The following EIF2B3 variants were observed in gnomAD, a reference collection of about 807,000 sequenced individuals.
The protein encoded by EIF2B3 is translation initiation factor eIF2B subunit gamma.
A neutral mutation model predicts 54.1 loss-of-function variants in EIF2B3; 20 were observed. That is an observed-to-expected ratio of 0.37 (90% confidence interval 0.26 to 0.54). The LOEUF is 0.54. Among genes scored for constraint, EIF2B3 ranks in the 20% least tolerant of loss-of-function variants. The pLI, the probability that EIF2B3 is intolerant of heterozygous loss-of-function variation, is 0.86. For synonymous variants in EIF2B3, 153 were observed against 188.1 expected (o/e 0.81, Z 1.52); for missense variants, 448 against 547.8 (o/e 0.82, Z 1.82).
intron 3 of EIF2B3, among the ~76,000 whole-genome samples, chr1:44,942,401 ATATATATATATATATATTTTTTTT>A (rs1311050225): frequency 6.0e-5 from 1 of 16,674 alleles, no homozygotes; most frequent in African/African-American, 4.1e-4. Context: ...ATATATATAT[ATATATATATATATATATTTTTTTT>A]TTTTTTTTTT....
At chr1:44,865,675 G>A (rs1207357779) in intron 10 of EIF2B3, among the ~76,000 whole-genome samples, 3 of 151,768 alleles carry the variant, frequency 2.0e-5, no homozygotes, top group East Asian at 3.9e-4. Flanking sequence ...TCCACCTTCC[G>A]GGGTTCAAGT....
intron 3 of EIF2B3, among the ~76,000 whole-genome samples, chr1:44,957,287 CAA>C (rs953338548): frequency 2.4e-4 from 36 of 152,078 alleles, no homozygotes; most frequent in African/African-American, 8.0e-4. Context: ...CCAAACACCA[CAA>C]AGTCAAAAGA....
At chr1:44,860,925 TA>T (rs1654594612) in intron 10 of EIF2B3, among the ~76,000 whole-genome samples, 1 of 152,138 alleles carries the variant, frequency 6.6e-6, no homozygotes, top group African/African-American at 2.4e-5. Flanking sequence ...CACAGACCAT[TA>T]AAAAAGATTC....
At chr1:44,984,516 T>TC (rs1230997542) in intron 1 of EIF2B3, among the ~76,000 whole-genome samples, 1 of 151,666 alleles carries the variant, frequency 6.6e-6, no homozygotes, top group Non-Finnish European at 1.5e-5. Flanking sequence ...ATTCTGACAC[T>TC]CATAGGTGTG....
chr1:44,877,129 C>T (rs1655192490), intron 8 of EIF2B3, among the ~76,000 whole-genome samples: 1 of 144,946 alleles, frequency 6.9e-6, no homozygotes, highest in Non-Finnish European at 1.5e-5. Flanking sequence ...CTGACATTCC[C>T]TCCACTATTG....
intron 5 of EIF2B3, among the ~76,000 whole-genome samples, chr1:44,898,555 C>T (rs1482930878): frequency 1.3e-5 from 2 of 151,304 alleles, no homozygotes; most frequent in Admixed American, 6.6e-5. Flanking sequence ...TGAGGTCATT[C>T]TATTTAATAA....
intron 3 of EIF2B3, among the ~76,000 whole-genome samples, chr1:44,962,096 A>C (rs1371959249): frequency 6.6e-6 from 1 of 152,082 alleles, no homozygotes; most frequent in Non-Finnish European, 1.5e-5. Context: ...GGAGGCTGAG[A>C]CAGGAGAATC....
intron 2 of EIF2B3, among the ~76,000 whole-genome samples, chr1:44,980,547 C>T (rs1418406843): frequency 6.6e-6 from 1 of 152,046 alleles, no homozygotes. Flanking sequence ...TACCTAGCTA[C>T]CCAAGCAAAA....
chr1:44,882,772 G>A (rs901624755), intron 6 of EIF2B3, among the ~76,000 whole-genome samples: 1 of 151,906 alleles, frequency 6.6e-6, no homozygotes, highest in Non-Finnish European at 1.5e-5. Context: ...ATGCCACAAT[G>A]CCTGGCTGTT....
rs138082036 is a variant in EIF2B3, at chr1:44,953,676, C to T, written c.295-12011G>A. The stretch of plus-strand genomic sequence containing the variant: ...GGTGTGGTGGTGTGTGCCTGTAGTC[C>T]CAGCTACCAAGGAGGCTGAGGTGGG... On this transcript the variant is annotated intron_variant, in intron 3 of 11. Coordinates refer to ENST00000360403, the MANE Select transcript of EIF2B3 (RefSeq NM_020365.5). 1.6e-3 allele frequency among the ~76,000 whole-genome samples: 240 copies of T among 152,192 alleles called. 1 individual carries two copies. Among genetic ancestry groups the T allele is most frequent in the African/African-American group, 5.5e-3 (228 of 41,520 alleles).
intron 5 of EIF2B3, among the ~76,000 whole-genome samples, chr1:44,915,686 A>G (rs1643609308): frequency 6.6e-6 from 1 of 152,198 alleles, no homozygotes; most frequent in Admixed American, 6.5e-5. Flanking sequence ...ACCCAGGAAT[A>G]ACAATCATTA....
At chr1:44,875,743 A>G (rs761834768) in intron 8 of EIF2B3, 48 bp from the exon 9 acceptor site, 7 of 1,490,160 alleles carry the variant, frequency 4.7e-6, no homozygotes, top group Non-Finnish European at 5.6e-6. Flanking sequence ...CACCTTAGGT[A>G]GCTCTCCCTC....
intron 3 of EIF2B3, among the ~76,000 whole-genome samples, chr1:44,942,418 T>TACATACATATATATA (rs1553177413): frequency 2.5e-4 from 2 of 8,102 alleles, no homozygotes; most frequent in African/African-American, 1.4e-3. Context: ...TATATATATA[T>TACATACATATATATA]TTTTTTTTTT....
rs3044232 is a variant in EIF2B3, at chr1:44,858,070, C to CTTTTT, written c.1203-268_1203-264dup. ...AGATATTCTGACTTCACTTCAGTTC[C>CTTTTT]TTTTTTTTTTTTTTTTTTTGAGACA... On this transcript the variant is annotated intron_variant, in intron 10 of 11. Transcript: ENST00000360403. 5.5e-5 allele frequency among the ~76,000 whole-genome samples: 7 copies of CTTTTT among 127,400 alleles called. 1 individual carries two copies. The highest frequency in any genetic ancestry group is 8.1e-5 in the Non-Finnish European group (5 of 61,730). The allele number at this position is 127,400 out of a possible 152,430, so 83.6% of individuals were successfully genotyped here. A position where few individuals can be genotyped will look rare whatever the true frequency, so the allele number is the denominator to read the frequency against.
intron 5 of EIF2B3, among the ~76,000 whole-genome samples, chr1:44,901,375 CAA>C (rs1643294748): frequency 6.6e-6 from 1 of 151,970 alleles, no homozygotes. Context: ...CTCGGCCTCC[CAA>C]AGTGTTGGGA....
chr1:44,870,630 C>T (rs1654935068), intron 10 of EIF2B3, among the ~76,000 whole-genome samples: 1 of 151,934 alleles, frequency 6.6e-6, no homozygotes, highest in Non-Finnish European at 1.5e-5. Context: ...TACTCTACTC[C>T]CAAGGCTTCA....
In EIF2B3 at chr1:44,965,756, C is replaced by T. The variant is rs559099697; in HGVS notation, c.294+12559G>A. Among the ~76,000 whole-genome samples the T allele has an allele frequency of 1.7e-4, 26 of 150,986 alleles. No homozygotes were observed. In the East Asian group the frequency reaches 2.9e-3, roughly 17 times the overall value. On this transcript the variant is annotated intron_variant, in intron 3 of 11. Coordinates refer to ENST00000360403, the MANE Select transcript of EIF2B3 (RefSeq NM_020365.5). ...CCGGGTTCAAGCGATCTTCGTGCCTCGGCCTCCTGAGTAGCTGGGACTACA... is the reference window on the plus strand; with the variant it reads ...CCGGGTTCAAGCGATCTTCGTGCCTTGGCCTCCTGAGTAGCTGGGACTACA...
At chr1:44,981,885 C>T (rs552655616) in intron 1 of EIF2B3, among the ~76,000 whole-genome samples, 48 of 137,800 alleles carry the variant, frequency 3.5e-4, no homozygotes, top group African/African-American at 1.2e-3. Flanking sequence ...TGCAGTGAGC[C>T]GAGATTGAGA....
chr1:44,981,287 A>C, intron 1 of EIF2B3, 110 bp from the exon 2 acceptor site: 1 of 1,117,974 alleles, frequency 8.9e-7, no homozygotes. Context: ...ACTATGTCAA[A>C]TGCATAATTC....
Sources: gnomAD v4.1 joint callset for allele counts (sites outside exome capture counted in the v4.1 genomes callset) on GRCh38, gnomAD v4.1.1 for gene constraint, MANE v1.5 for transcripts, NCBI Gene and HGNC (gene_info 2026-07-23, HGNC 2026-07-21) for gene names.